The following PCCB variants were observed in gnomAD, a reference collection of about 807,000 sequenced individuals.
The protein encoded by PCCB is propionyl-CoA carboxylase beta chain, mitochondrial.
In PCCB, 43 loss-of-function variants were observed where a neutral mutation model predicts 60.7. The observed-to-expected ratio is 0.71, with a 90% confidence interval of 0.55 to 0.91. The LOEUF (loss-of-function observed/expected upper bound fraction) is 0.91. PCCB is among the 40% of genes least tolerant of loss of function. PCCB has a pLI of 0.00. For synonymous variants in PCCB, 276 were observed against 255.9 expected, an observed-to-expected ratio of 1.08 and a Z score of -0.75; for missense variants, 766 against 702.8, an observed-to-expected ratio of 1.09 and a Z score of -1.02.
chr3:136,301,486 T>C (rs1030678421), intron 9 of PCCB, among the ~76,000 whole-genome samples: 1 of 152,038 alleles, frequency 6.6e-6, no homozygotes, highest in South Asian at 2.1e-4. Flanking sequence ...GTTTTGTCTT[T>C]ATAGAGAAGA....
chr3:136,260,447 A>G (rs1941790335), intron 3 of PCCB, 32 bp from the exon 4 acceptor site: 2 of 1,574,182 alleles, frequency 1.3e-6, no homozygotes, highest in Non-Finnish European at 1.7e-6. Flanking sequence ...CAGTCACTAT[A>G]TTTGACTTGC....
Position 136,250,441 on chromosome 3 carries a change from C to G in PCCB, c.66C>G (p.Arg22=), listed in dbSNP as rs759836996. ...ARLSVLASGL[R]AAVRSLCSQA... ...TCAGCGTTCTGGCGAGCGGTCTCCGCGCCGCGGTCCGCAGCCTTTGCAGCC... is the reference window on the plus strand; with the variant it reads ...TCAGCGTTCTGGCGAGCGGTCTCCGGGCCGCGGTCCGCAGCCTTTGCAGCC... Residue 22 remains arginine (R), a synonymous_variant, in exon 1 of 15, where the codon CGC becomes CGG. Transcript: ENST00000251654. 8.8e-6 allele frequency: 14 copies of G among 1,598,788 alleles called. No individual in the cohort carries two copies. The African/African-American group carries it at 1.1e-4, about 12-fold the overall frequency.
At chr3:136,321,674 A>T (rs767859880) in intron 10 of PCCB, among the ~76,000 whole-genome samples, 6 of 152,202 alleles carry the variant, frequency 3.9e-5, no homozygotes, top group Non-Finnish European at 7.3e-5. Context: ...ACACATGGGG[A>T]TTACAGCTTC....
At chr3:136,315,617 G>A (rs1934859767) in intron 9 of PCCB, among the ~76,000 whole-genome samples, 1 of 152,080 alleles carries the variant, frequency 6.6e-6, no homozygotes, top group African/African-American at 2.4e-5. Flanking sequence ...GATTGCGTGA[G>A]GCCAAGAGTT....
chr3:136,270,238 C>G (rs1312853614), intron 5 of PCCB, among the ~76,000 whole-genome samples: 1 of 152,032 alleles, frequency 6.6e-6, no homozygotes, highest in Admixed American at 6.6e-5. Flanking sequence ...GGTATATCAT[C>G]CTTTTTTGGA....
intron 3 of PCCB, among the ~76,000 whole-genome samples, chr3:136,257,337 T>C (rs925973856): frequency 2.0e-5 from 3 of 152,170 alleles, no homozygotes; most frequent in Non-Finnish European, 2.9e-5. Context: ...GGAGTGCCCA[T>C]GGTCTCTAGG....
At chr3:136,293,034 A>G (rs1319596521) in intron 6 of PCCB, among the ~76,000 whole-genome samples, 2 of 152,140 alleles carry the variant, frequency 1.3e-5, no homozygotes, top group Admixed American at 1.3e-4. Context: ...TGTTTTTGAG[A>G]CAGGTTTTTA....
chr3:136,255,654 C>T (rs756193051), intron 1 of PCCB: 3 of 601,818 alleles, frequency 5.0e-6, no homozygotes, highest in South Asian at 3.8e-5. Context: ...TGGCTTCTGG[C>T]GCACACTGTC....
chr3:136,312,844 G>A (rs1056658338), intron 9 of PCCB, among the ~76,000 whole-genome samples: 9 of 152,202 alleles, frequency 5.9e-5, no homozygotes, highest in African/African-American at 1.9e-4. Flanking sequence ...GAAACTCTTG[G>A]CAGCATGTAT....
At chr3:136,255,476 CCTG>C (rs1164030026) in intron 1 of PCCB, 2 of 304,538 alleles carry the variant, frequency 6.6e-6, no homozygotes, top group Non-Finnish European at 1.3e-5. Context: ...CTTCACTAAG[CCTG>C]CTTTAGTTTC....
intron 5 of PCCB, among the ~76,000 whole-genome samples, chr3:136,278,966 T>G (rs1296482879): frequency 2.0e-5 from 3 of 152,206 alleles, no homozygotes; most frequent in Admixed American, 1.3e-4. Flanking sequence ...TTAGGGCTCT[T>G]GTTGCTTCAT....
At chr3:136,302,583 C>T (rs146516051) in intron 9 of PCCB, among the ~76,000 whole-genome samples, 13,555 of 113,724 alleles carry the variant, frequency 0.12, 3,614 homozygotes, top group Non-Finnish European at 0.16. Context: ...TATTATTATA[C>T]TTTAAGTTTT....
intron 4 of PCCB, 27 bp downstream of exon 4, chr3:136,260,562 C>T: frequency 6.4e-7 from 1 of 1,566,456 alleles, no homozygotes; most frequent in Non-Finnish European, 8.8e-7. Flanking sequence ...CAAATTCAAT[C>T]CATTGCTTTC....
Position 136,250,506 on chromosome 3 carries a change from G to A in PCCB, c.131G>A (p.Arg44Gln), listed in dbSNP as rs375014273. The A allele has an allele frequency of 1.1e-5, 18 of 1,612,874 alleles. No homozygotes were observed. Among genetic ancestry groups the A allele is most frequent in the Non-Finnish European group, 1.4e-5 (16 of 1,179,728 alleles). ...AACGAACGCATCGAAAACAAGCGCC[G>A]GACCGCGCTGCTGGGAGGGGGCCAA... The part of the protein sequence containing the change: ...SVNERIENKR[R>Q]TALLGGGQRR... The change falls in exon 1 of 15, where the codon CGG becomes CAG. Residue 44 changes from arginine to glutamine, a missense_variant. Physicochemically the swap from Arg to Gln is conservative, Grantham distance 43 (BLOSUM62 1). Transcript: ENST00000251654.
Position 136,327,224 on chromosome 3 carries a change from CT to C in PCCB, c.1269del (p.Val424TyrfsTer19). ...AKLLYAFAEA[T>X]VPKVTVITRK... is the part of the protein sequence containing the mutation. ...CTTCTCTACGCATTTGCTGAGGCAA[CT>C]GTACCCAAAGTCACAGTCATCACCA... is the stretch of plus-strand genomic sequence containing the variant. On this transcript the variant is annotated frameshift_variant, in exon 12 of 15. Coordinates refer to ENST00000251654, the MANE Select transcript of PCCB (RefSeq NM_000532.5). LOFTEE classifies it high-confidence loss of function. 1 of 1,614,154 alleles carries C rather than the reference CT, an allele frequency of 6.2e-7. No homozygotes were observed. The highest frequency in any genetic ancestry group is 1.3e-5 in the African/African-American group (1 of 75,050).
chr3:136,266,293 T>G (rs1941981220), intron 5 of PCCB, among the ~76,000 whole-genome samples: 1 of 152,112 alleles, frequency 6.6e-6, no homozygotes, highest in African/African-American at 2.4e-5. Context: ...CATGGCTGGC[T>G]AATTTTGGTA....
intron 6 of PCCB, among the ~76,000 whole-genome samples, chr3:136,285,162 T>G (rs1333702613): frequency 6.6e-6 from 1 of 151,872 alleles, no homozygotes; most frequent in Non-Finnish European, 1.5e-5. Context: ...TTCTGAACTT[T>G]GCTTACTAAG....
intron 10 of PCCB, among the ~76,000 whole-genome samples, chr3:136,320,251 A>G (rs550947630): frequency 6.6e-6 from 1 of 152,174 alleles, no homozygotes; most frequent in Non-Finnish European, 1.5e-5. Flanking sequence ...TGGAATTTTG[A>G]TAGGGATGGT....
chr3:136,319,967 C>G (rs917865159), intron 10 of PCCB, among the ~76,000 whole-genome samples: 1 of 152,212 alleles, frequency 6.6e-6, no homozygotes, highest in African/African-American at 2.4e-5. Context: ...ATTCTTTCCT[C>G]ATTGAACAGG....
Sources: gnomAD v4.1 joint callset for allele counts (sites outside exome capture counted in the v4.1 genomes callset) on GRCh38, gnomAD v4.1.1 for gene constraint, MANE v1.5 for transcripts, NCBI Gene and HGNC (gene_info 2026-07-23, HGNC 2026-07-21) for gene names.